EXD2: variants seen among roughly 807,000 people sequenced by gnomAD.
EXD2 encodes the protein exonuclease 3'-5' domain containing 2, also known as exonuclease 3'-5' domain-containing protein 2.
Under a neutral mutation model 62.5 loss-of-function variants are expected in EXD2, and 40 were observed. The ratio of observed to expected loss-of-function variants is 0.64; its 90% CI spans 0.50 to 0.83. EXD2 has a LOEUF of 0.83. Among genes scored for constraint, EXD2 ranks in the 40% least tolerant of loss-of-function variants. The pLI is 0.00. For missense variants in EXD2, 671 were observed against 761.8 expected (o/e 0.88, Z 1.40); for synonymous variants, 239 against 291.9 (o/e 0.82, Z 1.85).
Position 69,194,277 on chromosome 14 carries a change from T to C in EXD2, c.-132+2686T>C, listed in dbSNP as rs2042127112. 2.6e-5 allele frequency among the ~76,000 whole-genome samples: 4 copies of C among 152,066 alleles called. No homozygotes were observed. The South Asian group carries it at 8.3e-4, about 32-fold the overall frequency. ...CCTCAGCCTCCCAAGTAGCTGGGAC[T>C]ACAGGCGCCCACCACCTCGCTTGGC... On this transcript the variant is annotated intron_variant, in intron 1 of 9. Coordinates refer to ENST00000685843, the MANE Select transcript of EXD2 (RefSeq NM_001193360.2).
intron 9 of EXD2, among the ~76,000 whole-genome samples, chr14:69,238,927 C>T (rs1247315588): frequency 6.6e-6 from 1 of 152,084 alleles, no homozygotes; most frequent in Non-Finnish European, 1.5e-5. Flanking sequence ...TGTGCCTGGC[C>T]CCAAATCATT....
intron 8 of EXD2, among the ~76,000 whole-genome samples, chr14:69,236,940 A>G (rs2043815521): frequency 6.6e-6 from 1 of 152,138 alleles, no homozygotes; most frequent in African/African-American, 2.4e-5. Context: ...CTGTGTTGTA[A>G]TACTGTTTCA....
intron 1 of EXD2, among the ~76,000 whole-genome samples, chr14:69,193,876 T>A (rs528503731): frequency 6.6e-6 from 1 of 152,256 alleles, no homozygotes; most frequent in South Asian, 2.1e-4. Context: ...GGTTATCTAG[T>A]GAGTAAAAGC....
chr14:69,220,609 T>G (rs1217753333), intron 3 of EXD2, among the ~76,000 whole-genome samples: 2 of 142,778 alleles, frequency 1.4e-5, no homozygotes, highest in African/African-American at 5.1e-5. Context: ...AGTGGCTCAC[T>G]CCGGTAATCC....
At chr14:69,212,636 C>T (rs1040627770) in intron 3 of EXD2, among the ~76,000 whole-genome samples, 7 of 150,468 alleles carry the variant, frequency 4.7e-5, no homozygotes, top group Admixed American at 4.6e-4. Context: ...TCTGTCTCAG[C>T]CTCCCATGTA....
chr14:69,209,244 A>G (rs530276656), intron 2 of EXD2, among the ~76,000 whole-genome samples, 180 bp from the exon 3 acceptor site: 1 of 152,328 alleles, frequency 6.6e-6, no homozygotes, highest in African/African-American at 2.4e-5. Context: ...TAGAGATGGA[A>G]TACAGAGATT....
chr14:69,237,885 G>A lies in EXD2; in HGVS notation c.1603G>A (p.Val535Met), dbSNP rs762532137. Residue 535 changes from valine to methionine, a missense_variant, in exon 9 of 10, where the codon GTG becomes ATG. Transcript: ENST00000685843. ...ACTCAGAGAGTTTTATAACACAGAC[G>A]TGGTCACAGAGGAGATGCTTCAAGA... ...QALREFYNTDVVTEEMLQEAA... is the reference protein window; with the variant it reads ...QALREFYNTDMVTEEMLQEAA... 2.0e-5 allele frequency: 32 copies of A among 1,600,938 alleles called. No individual in the cohort carries two copies. The highest frequency in any genetic ancestry group is 1.7e-4 in the Middle Eastern group (1 of 6,012).
rs780813302 is a variant in EXD2, at chr14:69,230,536, C to G, written c.655C>G (p.Leu219Val). ...SLAETVLNFP[L>V]DKSLLLRCSN... is the part of the protein sequence containing the mutation. ...CGCTGAGACTGTTTTGAACTTTCCCCTTGACAAGTCCCTTCTACTTCGTTG... is the reference window on the plus strand; with the variant it reads ...CGCTGAGACTGTTTTGAACTTTCCCGTTGACAAGTCCCTTCTACTTCGTTG... The change falls in exon 5 of 10, where the codon CTT becomes GTT. Residue 219 changes from leucine to valine, a missense_variant. By Grantham distance (32) the Leu-to-Val change is conservative (BLOSUM62 1). Coordinates refer to ENST00000685843, the MANE Select transcript of EXD2 (RefSeq NM_001193360.2). 42 of 1,614,014 alleles carry G rather than the reference C, an allele frequency of 2.6e-5. No individual in the cohort carries two copies. Among genetic ancestry groups the G allele is most frequent in the Non-Finnish European group, 3.4e-5 (40 of 1,179,934 alleles).
intron 5 of EXD2, 134 bp downstream of exon 5, chr14:69,230,732 T>C: frequency 1.0e-6 from 1 of 1,003,624 alleles, no homozygotes; most frequent in Non-Finnish European, 1.4e-6. Flanking sequence ...TCTCTGGTGA[T>C]ACTCCAGCTA....
intron 3 of EXD2, among the ~76,000 whole-genome samples, chr14:69,217,422 A>C (rs920435488): frequency 5.9e-5 from 9 of 152,112 alleles, no homozygotes; most frequent in Non-Finnish European, 1.3e-4. Context: ...TGCCTGGCTT[A>C]TTTCACTTAA....
intron 3 of EXD2, among the ~76,000 whole-genome samples, chr14:69,216,458 C>T (rs566750903): frequency 1.3e-5 from 2 of 152,266 alleles, no homozygotes; most frequent in Non-Finnish European, 2.9e-5. Flanking sequence ...GATGGAGTCT[C>T]ACTCTGTCAC....
chr14:69,230,676 A>C, intron 5 of EXD2, 78 bp downstream of exon 5: 5 of 1,493,496 alleles, frequency 3.3e-6, no homozygotes, highest in East Asian at 2.3e-5. Flanking sequence ...TCGAATTCTC[A>C]AATATAGTAT....
At chr14:69,240,669 C>T (rs2043951120) in intron 9 of EXD2, among the ~76,000 whole-genome samples, 1 of 152,084 alleles carries the variant, frequency 6.6e-6, no homozygotes, top group South Asian at 2.1e-4. Context: ...GAGCTCAGAA[C>T]CCTCAAATAC....
rs201507867 is a variant in EXD2, at chr14:69,221,677, A to G, written c.334-7139A>G. On this transcript the variant is annotated intron_variant, in intron 3 of 9. Coordinates refer to ENST00000685843, the MANE Select transcript of EXD2 (RefSeq NM_001193360.2). The stretch of plus-strand genomic sequence containing the variant: ...CAGATACTCAGGAGGCTAAGGTGGT[A>G]GGATGGCTTGGGCCCAGGAGTTCAA... Among the ~76,000 whole-genome samples the G allele has an allele frequency of 3.3e-5, 5 of 152,180 alleles. No individual in the cohort carries two copies. In the East Asian group the frequency reaches 7.7e-4, roughly 24 times the overall value.
intron 5 of EXD2, among the ~76,000 whole-genome samples, chr14:69,231,432 C>T (rs2043575766): frequency 6.6e-6 from 1 of 152,114 alleles, no homozygotes; most frequent in Non-Finnish European, 1.5e-5. Flanking sequence ...ACTTCTCTTC[C>T]CCATCCTCCC....
chr14:69,203,076 G>C (rs1337412173), intron 1 of EXD2, among the ~76,000 whole-genome samples: 2 of 152,036 alleles, frequency 1.3e-5, no homozygotes, highest in Non-Finnish European at 2.9e-5. Context: ...TTGTTTGTTT[G>C]AGGCAGGGTC....
At chr14:69,207,072 T>G (rs2042629015) in intron 2 of EXD2, among the ~76,000 whole-genome samples, 1 of 152,248 alleles carries the variant, frequency 6.6e-6, no homozygotes, top group South Asian at 2.1e-4. Context: ...AGTAAATGTT[T>G]TTAAAACAGC....
chr14:69,230,082 C>CT (rs891310700), intron 4 of EXD2, among the ~76,000 whole-genome samples: 4 of 152,180 alleles, frequency 2.6e-5, no homozygotes, highest in Non-Finnish European at 5.9e-5. Flanking sequence ...CAGAATGCCA[C>CT]TGTCACTGTG....
Position 69,229,082 on chromosome 14 carries a change from G to T in EXD2, c.590+10G>T. 6.2e-7 allele frequency: 1 copy of T among 1,612,426 alleles called. No individual in the cohort carries two copies. ...TAGCCATGCGGCAGAGGTGTGGTTT[G>T]TATGAATGCTGGGATTCCTATAGCT... On this transcript the variant is annotated intron_variant, in intron 4 of 9. Transcript: ENST00000685843.
Sources: gnomAD v4.1 joint callset for allele counts (sites outside exome capture counted in the v4.1 genomes callset) on GRCh38, gnomAD v4.1.1 for gene constraint, MANE v1.5 for transcripts, NCBI Gene and HGNC (gene_info 2026-07-23, HGNC 2026-07-21) for gene names.